The following KREMEN1 variants were observed in gnomAD, a reference collection of about 807,000 sequenced individuals.
KREMEN1 encodes kremen protein 1.
In KREMEN1, 30 loss-of-function variants were observed where a neutral mutation model predicts 46.5. The ratio of observed to expected loss-of-function variants is 0.65; its 90% CI spans 0.48 to 0.88. The LOEUF (loss-of-function observed/expected upper bound fraction) is 0.88. Among genes scored for constraint, KREMEN1 ranks in the 40% least tolerant of loss-of-function variants. KREMEN1 has a pLI of 0.00. For synonymous variants in KREMEN1, 214 were observed against 230.6 expected, an observed-to-expected ratio of 0.93 and a Z score of 0.65; for missense variants, 533 against 596.9, an observed-to-expected ratio of 0.89 and a Z score of 1.11.
rs538789256 is a variant in KREMEN1 at position 29,103,527 on chromosome 22, TG to T, written c.352+4575del. Among the ~76,000 whole-genome samples, 481 of 152,342 alleles carry T rather than the reference TG, an allele frequency of 3.2e-3. 1 individual carries two copies. The highest frequency in any genetic ancestry group is 4.7e-3 in the Non-Finnish European group (319 of 68,034). ...TTGGATTTGCCCCTGAAACTGCTTT[TG>T]CCAGAATGTTTCTCAGAAACCCTAA... is the stretch of plus-strand genomic sequence containing the variant. On this transcript the variant is annotated intron_variant, in intron 3 of 8. Coordinates refer to ENST00000400335, the MANE Select transcript of KREMEN1 (RefSeq NM_001039570.3).
At chr22:29,164,782 A>G (rs1601827808) in intron 9 of KREMEN1, among the ~76,000 whole-genome samples, 1 of 150,750 alleles carries the variant, frequency 6.6e-6, no homozygotes, top group African/African-American at 2.4e-5. Flanking sequence ...AAAACAAGGA[A>G]CTATGATTAT....
intron 4 of KREMEN1, among the ~76,000 whole-genome samples, chr22:29,123,251 AT>A (rs1450917361): frequency 6.6e-6 from 1 of 151,880 alleles, no homozygotes; most frequent in Admixed American, 6.6e-5. Context: ...TGTGAAAGAT[AT>A]TTTTAACAGG....
chr22:29,130,797 G>A (rs947876113), intron 5 of KREMEN1, among the ~76,000 whole-genome samples: 3 of 152,180 alleles, frequency 2.0e-5, no homozygotes, highest in African/African-American at 7.2e-5. Context: ...TGCCATGGAG[G>A]GCTTGCCCAG....
intron 1 of KREMEN1, among the ~76,000 whole-genome samples, chr22:29,077,316 G>A (rs1227408710): frequency 6.6e-6 from 1 of 152,154 alleles, no homozygotes; most frequent in Admixed American, 6.5e-5. Flanking sequence ...GTTTCAGTAA[G>A]GCTTTATGGA....
At chr22:29,118,286 A>T (rs774072510) in intron 3 of KREMEN1, among the ~76,000 whole-genome samples, 2 of 152,164 alleles carry the variant, frequency 1.3e-5, no homozygotes, top group Non-Finnish European at 2.9e-5. Flanking sequence ...ATCTTTTGTA[A>T]CCTAATCCCA....
chr22:29,079,736 ACT>A (rs1450977999), intron 1 of KREMEN1, among the ~76,000 whole-genome samples: 5 of 152,054 alleles, frequency 3.3e-5, no homozygotes, highest in African/African-American at 1.2e-4. Flanking sequence ...TGTATGATTG[ACT>A]CTGCGTGGTT....
chr22:29,149,973 A>G (rs2038902448), downstream of KREMEN1, among the ~76,000 whole-genome samples: 1 of 152,210 alleles, frequency 6.6e-6, no homozygotes, highest in Non-Finnish European at 1.5e-5. Context: ...CCTCTGGGCC[A>G]TGCGTGCCTG....
Position 29,145,785 on chromosome 22 carries a change from G to T in KREMEN1, c.*3673G>T, listed in dbSNP as rs1019126182. On this transcript the variant is annotated 3_prime_UTR_variant, in exon 9 of 9. Transcript: ENST00000400335. ...ACCAGGCTGCTCTAACTTCTGAAGA[G>T]TGGGCTCTGGCTCAAGACTCCAATC... is the stretch of plus-strand genomic sequence containing the variant. 4.0e-5 allele frequency: 39 copies of T among 985,424 alleles called. No individual in the cohort carries two copies. Among genetic ancestry groups the T allele is most frequent in the South Asian group, 4.7e-5 (1 of 21,292 alleles). The allele number at this position is 985,424 out of a possible 1,614,324, so 61.0% of individuals were successfully genotyped here. A position where few individuals can be genotyped will look rare whatever the true frequency, so the allele number is the denominator to read the frequency against.
intron 1 of KREMEN1, among the ~76,000 whole-genome samples, chr22:29,082,659 G>C (rs976646813): frequency 1.3e-5 from 2 of 152,184 alleles, no homozygotes; most frequent in Non-Finnish European, 2.9e-5. Flanking sequence ...AGGTGAGTAA[G>C]ATGCTCACAG....
chr22:29,088,308 C>CAT (rs2037758527), intron 1 of KREMEN1, among the ~76,000 whole-genome samples: 1 of 104,770 alleles, frequency 9.5e-6, no homozygotes, highest in Non-Finnish European at 2.1e-5. Flanking sequence ...CGCGTGCATA[C>CAT]ACACACACAC....
At chr22:29,149,378 G>T (rs942534998), downstream of KREMEN1, among the ~76,000 whole-genome samples, 3 of 152,002 alleles carry the variant, frequency 2.0e-5, no homozygotes, top group Non-Finnish European at 4.4e-5. Context: ...GGCCAGGATG[G>T]TCTCGATCTC....
chr22:29,166,092 G>C (rs1770104849), intron 9 of KREMEN1, among the ~76,000 whole-genome samples: 1 of 152,038 alleles, frequency 6.6e-6, no homozygotes, highest in South Asian at 2.1e-4. Flanking sequence ...TGCACACACA[G>C]GTACAAGCAC....
rs545593526 is a variant in KREMEN1 at position 29,143,469 on chromosome 22, G to A, written c.*1357G>A. On this transcript the variant is annotated 3_prime_UTR_variant, in exon 9 of 9. Coordinates refer to ENST00000400335, the MANE Select transcript of KREMEN1 (RefSeq NM_001039570.3). The stretch of plus-strand genomic sequence containing the variant: ...ATAAAAAACACCCCAAGGGCCGGGC[G>A]CGGTGGCTCATGCCTGTAATCCCAG... 3.7e-4 allele frequency: 361 copies of A among 985,566 alleles called. 6 individuals carry two copies. The South Asian group carries it at 0.015, about 40-fold the overall frequency. 61.1% of individuals were successfully genotyped at this position (985,566 alleles called of 1,614,324 possible).
intron 4 of KREMEN1, among the ~76,000 whole-genome samples, chr22:29,123,844 A>G (rs1489648117): frequency 6.6e-6 from 1 of 152,204 alleles, no homozygotes; most frequent in Admixed American, 6.5e-5. Context: ...ATCATTAGCC[A>G]TTAAGGTAAT....
chr22:29,095,841 TTGTTTGTTATAAAAG>T (rs1166828676), intron 2 of KREMEN1, among the ~76,000 whole-genome samples: 1 of 152,040 alleles, frequency 6.6e-6, no homozygotes, highest in Non-Finnish European at 1.5e-5. Flanking sequence ...TTGACTTATT[TTGTTTGTTATAAAAG>T]TGTTAAAAGC....
At chr22:29,120,414 A>T (rs113842192) in intron 3 of KREMEN1, among the ~76,000 whole-genome samples, 4,001 of 59,838 alleles carry the variant, frequency 0.067, 28 homozygotes, top group East Asian at 0.29. Flanking sequence ...GAGGTGATGA[A>T]GGAAACAGGG....
At chr22:29,153,716 C>T (rs2038936473) in intron 9 of KREMEN1, among the ~76,000 whole-genome samples, 1 of 152,040 alleles carries the variant, frequency 6.6e-6, no homozygotes, top group South Asian at 2.1e-4. Flanking sequence ...CATGGTGGCT[C>T]ATGCCTATAA....
chr22:29,153,843 C>T (rs769871546), intron 9 of KREMEN1, among the ~76,000 whole-genome samples: 1 of 151,842 alleles, frequency 6.6e-6, no homozygotes, highest in Non-Finnish European at 1.5e-5. Flanking sequence ...ATCAGCCTGG[C>T]GTGCTACTCC....
At position 29,143,056 on chromosome 22, in the gene KREMEN1, AG is replaced by A; in HGVS notation, c.*945del. The A allele has an allele frequency of 2.0e-6, 1 of 507,970 alleles. No homozygotes were observed. 31.5% of individuals were successfully genotyped at this position (507,970 alleles called of 1,614,324 possible). A position where few individuals can be genotyped will look rare whatever the true frequency, so the allele number is the denominator to read the frequency against. On this transcript the variant is annotated 3_prime_UTR_variant, in exon 9 of 9. Transcript: ENST00000400335. The stretch of plus-strand genomic sequence containing the variant: ...TCCCAGCTACTCAGAAGGCTGAGAC[AG>A]AAGAACAGCTTGAACCCAGGAGGCT...
Sources: gnomAD v4.1 joint callset for allele counts (sites outside exome capture counted in the v4.1 genomes callset) on GRCh38, gnomAD v4.1.1 for gene constraint, MANE v1.5 for transcripts, NCBI Gene and HGNC (gene_info 2026-07-23, HGNC 2026-07-21) for gene names.